KCNC3: variants seen among roughly 807,000 people sequenced by gnomAD.
KCNC3 encodes the protein voltage-gated potassium channel KCNC3.
A neutral mutation model predicts 43.9 loss-of-function variants in KCNC3; 22 were observed. That is an observed-to-expected ratio of 0.50 (90% CI 0.36 to 0.72). KCNC3 has a LOEUF of 0.72. KCNC3 is among the 30% of genes least tolerant of loss of function. The pLI is 0.00. For missense variants in KCNC3, 829 were observed against 1,073.8 expected, an observed-to-expected ratio of 0.77 and a Z score of 3.19; for synonymous variants, 492 against 488.0, an observed-to-expected ratio of 1.01 and a Z score of -0.11.
rs749867214 is a variant in KCNC3, at chr19:50,328,746, G to T, written c.337C>A (p.Arg113=). 6 of 1,592,906 alleles carry T rather than the reference G, an allele frequency of 3.8e-6. No homozygotes were observed. ...TCGGGCTCCGTCAGGCCGGCCAGCC[G>T]CGTCCCCGGCAGGGTGCGCAGCGTC... ...RSTLRTLPGT[R]LAGLTEPEAA... Residue 113 remains arginine, a synonymous_variant, in exon 1 of 5, where the codon CGG becomes AGG. Transcript: ENST00000477616.
chr19:50,315,099 G>C lies in KCNC3; in HGVS notation c.*1016C>G, dbSNP rs2036930889. ...AGGGAGAAAGAGACAGAGAGAGAAA[G>C]AAATGGAAGGGGAGGACAACAGATA... On this transcript the variant is annotated 3_prime_UTR_variant, in exon 5 of 5. Transcript: ENST00000477616. 1 of 190,932 alleles carries C rather than the reference G, an allele frequency of 5.2e-6. No individual in the cohort carries two copies. The highest frequency in any genetic ancestry group is 1.1e-5 in the Non-Finnish European group (1 of 91,182). The allele number at this position is 190,932 out of a possible 1,614,324, so 11.8% of individuals were successfully genotyped here. A position where few individuals can be genotyped will look rare whatever the true frequency, so the allele number is the denominator to read the frequency against.
In KCNC3 at chr19:50,325,790, G is replaced by A. The variant is rs571389513; in HGVS notation, c.871-1708C>T. Reference sequence around the variant, plus strand: ...AGCTCCCCCGCCGCAGTGCGCAGCCGCAGCGGCTAGGGGCCGTCTTAACCC... The same window carrying A: ...AGCTCCCCCGCCGCAGTGCGCAGCCACAGCGGCTAGGGGCCGTCTTAACCC... On this transcript the variant is annotated intron_variant, in intron 1 of 4. Coordinates refer to ENST00000477616, the MANE Select transcript of KCNC3 (RefSeq NM_004977.3). Among the ~76,000 whole-genome samples the A allele has an allele frequency of 1.6e-3, 241 of 152,268 alleles. 1 individual carries two copies. Among genetic ancestry groups the A allele is most frequent in the Non-Finnish European group, 3.0e-3 (202 of 67,984 alleles).
chr19:50,323,615 G>T lies in KCNC3; in HGVS notation c.1338C>A (p.Asn446Lys). Residue 446 changes from asparagine (N) to lysine (K), a missense_variant, in exon 2 of 5, where the codon AAC becomes AAA. Physicochemically the swap from Asn to Lys is moderately conservative, Grantham distance 94. Around this residue, in one of 7 missense-constraint regions of KCNC3, gnomAD observed 157 missense variants for 293.5 expected, o/e 0.53. Transcript: ENST00000477616. Reference sequence around the variant, plus strand: ...GGAAGATGATGAGCAGCAGGAACTCGTTGGTGCTGGCGCGGAGCGTGTGTC... The same window carrying T: ...GGAAGATGATGAGCAGCAGGAACTCTTTGGTGCTGGCGCGGAGCGTGTGTC... ...VLGHTLRAST[N>K]EFLLLIIFLA... 8 of 1,614,216 alleles carry T rather than the reference G, an allele frequency of 5.0e-6. No individual in the cohort carries two copies. Among genetic ancestry groups the T allele is most frequent in the Non-Finnish European group, 6.8e-6 (8 of 1,180,044 alleles).
intron 1 of KCNC3, among the ~76,000 whole-genome samples, chr19:50,325,232 T>G (rs1601099902): frequency 7.0e-6 from 1 of 143,828 alleles, no homozygotes; most frequent in Non-Finnish European, 1.5e-5. Context: ...TGCAGAGGGG[T>G]GGGAGGGGAG....
At position 50,323,499 on chromosome 19, in the gene KCNC3, G is replaced by A; in HGVS notation, c.1454C>T (p.Thr485Ile). The A allele has an allele frequency of 6.2e-7, 1 of 1,614,210 alleles. No individual in the cohort carries two copies. Among genetic ancestry groups the A allele is most frequent in the Non-Finnish European group, 8.5e-7 (1 of 1,180,032 alleles). The change falls in exon 2 of 5, where the codon ACC becomes ATC. Residue 485 changes from threonine to isoleucine, a missense_variant. By Grantham distance (89) the Thr-to-Ile change is moderately conservative. This residue lies in a region of KCNC3 where 21 missense variants were observed against 21.0 expected (regional missense o/e 1.00). Transcript: ENST00000477616. ...DPDDILGSNHTYFKNIPIGFW... is the reference protein window; with the variant it reads ...DPDDILGSNHIYFKNIPIGFW... ...GCCAATGGGGATGTTCTTGAAGTAGGTGTGGTTGGAGCCCAGGATGTCATC... is the reference window on the plus strand; with the variant it reads ...GCCAATGGGGATGTTCTTGAAGTAGATGTGGTTGGAGCCCAGGATGTCATC...
At chr19:50,316,310 G>A (rs2036953221) in intron 4 of KCNC3, among the ~76,000 whole-genome samples, 1 of 151,788 alleles carries the variant, frequency 6.6e-6, no homozygotes, top group African/African-American at 2.4e-5. Flanking sequence ...AGGGGAGGAG[G>A]AAGGATGGGA....
chr19:50,318,737 C>A (rs139412195), intron 4 of KCNC3, among the ~76,000 whole-genome samples: 1 of 152,140 alleles, frequency 6.6e-6, no homozygotes, highest in Non-Finnish European at 1.5e-5. Flanking sequence ...GGCAGATTCA[C>A]GCTTTGTTTT....
intron 1 of KCNC3, among the ~76,000 whole-genome samples, chr19:50,325,961 G>T (rs900237726): frequency 3.3e-5 from 5 of 152,270 alleles, no homozygotes; most frequent in African/African-American, 1.2e-4. Context: ...TGCAGAGGCT[G>T]GACGGCGTCG....
At chr19:50,320,471 T>C (rs1053841760) in intron 3 of KCNC3, 122 bp from the exon 4 acceptor site, 28 of 914,460 alleles carry the variant, frequency 3.1e-5, no homozygotes, top group Admixed American at 6.4e-5. Flanking sequence ...GGGAGGCAGT[T>C]TGGGGCCAAG....
intron 1 of KCNC3, among the ~76,000 whole-genome samples, chr19:50,325,457 G>A (rs1157810807): frequency 6.6e-6 from 1 of 151,604 alleles, no homozygotes; most frequent in Non-Finnish European, 1.5e-5. Context: ...TCCTCCACAG[G>A]GGTTGGGCTC....
At position 50,329,123 on chromosome 19, in the gene KCNC3, G is replaced by A; in HGVS notation, c.-41C>T. ...GCGGGAGGGGCGGGGACGCAGGGGC[G>A]GGGACACGGGGGGAGAGACCGACGG... On this transcript the variant is annotated 5_prime_UTR_variant, in exon 1 of 5. Transcript: ENST00000477616. 2.0e-6 allele frequency: 1 copy of A among 499,652 alleles called. No individual in the cohort carries two copies. The highest frequency in any genetic ancestry group is 3.0e-6 in the Non-Finnish European group (1 of 331,714). 31.0% of individuals were successfully genotyped at this position (499,652 alleles called of 1,614,324 possible). A position where few individuals can be genotyped will look rare whatever the true frequency, so the allele number is the denominator to read the frequency against.
chr19:50,317,840 C>G (rs533232263), intron 4 of KCNC3, among the ~76,000 whole-genome samples: 426 of 152,360 alleles, frequency 2.8e-3, no homozygotes, highest in Non-Finnish European at 4.5e-3. Flanking sequence ...TCTGTCCCCC[C>G]AGGCTGGAGC....
rs1266437892 is a variant in KCNC3, at chr19:50,314,519, TG to T, written c.*1595del. 11 of 250,550 alleles carry T rather than the reference TG, an allele frequency of 4.4e-5. No homozygotes were observed. In the East Asian group the frequency reaches 1.7e-3, roughly 38 times the overall value. The allele number at this position is 250,550 out of a possible 1,614,324, so 15.5% of individuals were successfully genotyped here. ...CAGGTTAGGGAAGGCATGCAGTGTG[TG>T]GGGGGAGGTGCCCCAAGATGTAACT... On this transcript the variant is annotated 3_prime_UTR_variant, in exon 5 of 5. Transcript: ENST00000477616.
At chr19:50,321,417 T>G (rs1445919736) in intron 2 of KCNC3, among the ~76,000 whole-genome samples, 1 of 151,856 alleles carries the variant, frequency 6.6e-6, no homozygotes, top group Non-Finnish European at 1.5e-5. Context: ...CAGTGAGCCA[T>G]AATAGTTTCA....
chr19:50,320,320 C>G lies in KCNC3; in HGVS notation c.2200G>C (p.Asp734His). The G allele has an allele frequency of 1.8e-6, 1 of 561,584 alleles. No homozygotes were observed. The highest frequency in any genetic ancestry group is 2.5e-5 in the South Asian group (1 of 40,478). 34.8% of individuals were successfully genotyped at this position (561,584 alleles called of 1,614,324 possible). A position where few individuals can be genotyped will look rare whatever the true frequency, so the allele number is the denominator to read the frequency against. Residue 734 changes from aspartate to histidine, a missense_variant, in exon 4 of 5, where the codon GAC becomes CAC. Physicochemically the swap from Asp to His is moderately conservative, Grantham distance 81. Around this residue, in one of 7 missense-constraint regions of KCNC3, gnomAD observed 308 missense variants for 276.2 expected, o/e 1.11. Coordinates refer to ENST00000477616, the MANE Select transcript of KCNC3 (RefSeq NM_004977.3). ...CTTGGGGGGCCTGGCTTACGCCAGT[C>G]TTGGGGGGGCAGTGGGGGAGCACCA... ...ATGAPPLPPQ[D>H]WRKPGPPSFL...
chr19:50,312,500 GA>G lies in KCNC3; in HGVS notation c.*3614del, dbSNP rs2036893690. On this transcript the variant is annotated 3_prime_UTR_variant, in exon 5 of 5. Coordinates refer to ENST00000477616, the MANE Select transcript of KCNC3 (RefSeq NM_004977.3). ...GTGCAGGCACCCTGGCGGCCGGGGG[GA>G]AAAGGGGGAGCCGGACTTGGAAAGA... is the stretch of plus-strand genomic sequence containing the variant. 1 of 152,348 alleles carries G rather than the reference GA, an allele frequency of 6.6e-6. No homozygotes were observed. Among genetic ancestry groups the G allele is most frequent in the Non-Finnish European group, 1.5e-5 (1 of 68,072 alleles). The allele number at this position is 152,348 out of a possible 1,614,324, so 9.4% of individuals were successfully genotyped here.
rs1568568831 is a variant in KCNC3, at chr19:50,315,648, G to GGT, written c.*466_*467insAC. 1 of 81,474 alleles carries GGT rather than the reference G, an allele frequency of 1.2e-5. No individual in the cohort carries two copies. The highest frequency in any genetic ancestry group is 4.6e-5 in the African/African-American group (1 of 21,912). The allele number at this position is 81,474 out of a possible 1,614,324, so 5.0% of individuals were successfully genotyped here. On this transcript the variant is annotated 3_prime_UTR_variant, in exon 5 of 5. Coordinates refer to ENST00000477616, the MANE Select transcript of KCNC3 (RefSeq NM_004977.3). ...CGATGAGAACTCCAGGAGCAGTGGG[G>GGT]GGGGGTGGGGGGGGAGGGAGGCTCC...
At chr19:50,316,878 G>A (rs2036961867) in intron 4 of KCNC3, among the ~76,000 whole-genome samples, 1 of 152,018 alleles carries the variant, frequency 6.6e-6, no homozygotes, top group African/African-American at 2.4e-5. Flanking sequence ...AAGGCTTGGG[G>A]AGGGCTGGAG....
At chr19:50,332,204 A>G (rs1462839183), upstream of KCNC3, among the ~76,000 whole-genome samples, 1 of 152,118 alleles carries the variant, frequency 6.6e-6, no homozygotes, top group Non-Finnish European at 1.5e-5. This position sits in a 1 kb window ranked among gnomAD's most constrained non-coding sequence, Gnocchi z 5.8. Flanking sequence ...AGGCAGGAGC[A>G]AGGGCTGGGT....
Sources: gnomAD v4.1 joint callset for allele counts (sites outside exome capture counted in the v4.1 genomes callset) on GRCh38, gnomAD v4.1.1 for gene constraint, gnomAD v4.1.1 regional missense constraint, Gnocchi (gnomAD v3.1) non-coding constraint, MANE v1.5 for transcripts, NCBI Gene and HGNC (gene_info 2026-07-23, HGNC 2026-07-21) for gene names.